The following SLC22A2 variants were observed in gnomAD, a reference collection of about 807,000 sequenced individuals.
SLC22A2 encodes the protein organic cation transporter 2.
SLC22A2 carries 46 observed loss-of-function variants against 60.5 expected under a neutral mutation model. The ratio of observed to expected loss-of-function variants is 0.76; its 90% CI spans 0.60 to 0.97. The LOEUF is 0.97. SLC22A2 is among the 50% of genes least tolerant of loss of function. The pLI, the probability that SLC22A2 is intolerant of heterozygous loss-of-function variation, is 0.00. For synonymous variants in SLC22A2, 303 were observed against 267.0 expected (o/e 1.13, Z -1.31); for missense variants, 701 against 706.6 (o/e 0.99, Z 0.09).
At chr6:160,229,238 C>G (rs904951449) in intron 9 of SLC22A2, among the ~76,000 whole-genome samples, 2 of 151,926 alleles carry the variant, frequency 1.3e-5, no homozygotes, top group Non-Finnish European at 2.9e-5. Flanking sequence ...ACCTCTCTCA[C>G]TATCCCTCAA....
At chr6:160,257,588 C>T (rs1783294858) in intron 1 of SLC22A2, among the ~76,000 whole-genome samples, 1 of 152,114 alleles carries the variant, frequency 6.6e-6, no homozygotes, top group African/African-American at 2.4e-5. Context: ...TTAGACCCTT[C>T]AAATTAGACT....
intron 9 of SLC22A2, among the ~76,000 whole-genome samples, chr6:160,228,960 G>C (rs1463908456): frequency 1.3e-5 from 2 of 150,928 alleles, no homozygotes; most frequent in Non-Finnish European, 2.9e-5. Context: ...CTGTCTTTTT[G>C]GACTCAGACC....
intron 2 of SLC22A2, 74 bp from the exon 3 acceptor site, chr6:160,250,776 T>G: frequency 6.8e-7 from 1 of 1,476,488 alleles, no homozygotes; most frequent in African/African-American, 1.4e-5. Flanking sequence ...TGCATGGAAG[T>G]TATGGAAATC....
chr6:160,251,514 C>T (rs1406706209), intron 2 of SLC22A2, among the ~76,000 whole-genome samples: 1 of 152,092 alleles, frequency 6.6e-6, no homozygotes, highest in Non-Finnish European at 1.5e-5. Flanking sequence ...GCCTCCGACC[C>T]CTTCCTTCCT....
At chr6:160,228,265 C>T (rs535257644) in intron 9 of SLC22A2, among the ~76,000 whole-genome samples, 41 of 152,290 alleles carry the variant, frequency 2.7e-4, no homozygotes, top group African/African-American at 5.5e-4. Context: ...CCTCCGCCAG[C>T]GCAAAGGAAA....
chr6:160,218,358 GAAC>G (rs1279450799), intron 10 of SLC22A2: 1 of 183,386 alleles, frequency 5.5e-6, no homozygotes, highest in African/African-American at 3.5e-5. Context: ...GCAGCAGCAG[GAAC>G]AACAAAAGCA....
At chr6:160,256,362 C>A (rs925688128) in intron 2 of SLC22A2, among the ~76,000 whole-genome samples, 1 of 152,150 alleles carries the variant, frequency 6.6e-6, no homozygotes, top group African/African-American at 2.4e-5. Context: ...TTCTGCATAG[C>A]CCCCATGGAA....
intron 8 of SLC22A2, among the ~76,000 whole-genome samples, 158 bp downstream of exon 8, chr6:160,242,136 A>C (rs1227256419): frequency 6.6e-6 from 1 of 152,150 alleles, no homozygotes; most frequent in Non-Finnish European, 1.5e-5. Flanking sequence ...TGTAAGTGTG[A>C]GAGGTGAACT....
At chr6:160,255,110 G>A (rs746146839) in intron 2 of SLC22A2, among the ~76,000 whole-genome samples, 2 of 152,152 alleles carry the variant, frequency 1.3e-5, no homozygotes, top group African/African-American at 2.4e-5. Context: ...GATTTAATGC[G>A]TCATCTTTAA....
rs61332676 is a variant in SLC22A2 at position 160,241,803 on chromosome 6, T to TA, written c.1389-218dup. On this transcript the variant is annotated intron_variant, in intron 8 of 10. Coordinates refer to ENST00000366953, the MANE Select transcript of SLC22A2 (RefSeq NM_003058.4). ...CCTGTTTCCCAGAAACCTATTGAAA[T>TA]AAAAAAAAAACACCAAAAATAAAAT... 6.1e-3 allele frequency among the ~76,000 whole-genome samples: 917 copies of TA among 149,356 alleles called. 11 individuals are homozygous for TA. Among genetic ancestry groups the TA allele is most frequent in the African/African-American group, 0.021 (854 of 40,224 alleles).
Position 160,258,536 on chromosome 6 carries a change from C to CTA in SLC22A2, c.221_222insTA (p.Val75ArgfsTer83), listed in dbSNP as rs764732321. On this transcript the variant is annotated frameshift_variant, in exon 1 of 11. Coordinates refer to ENST00000366953, the MANE Select transcript of SLC22A2 (RefSeq NM_003058.4). LOFTEE classifies it high-confidence loss of function. ...CGCCCGCAGGTCCTGGGCCCGGCACCGTGTAGTTCAGTTCCTCTGCAGGAC... is the reference window on the plus strand; with the variant it reads ...CGCCCGCAGGTCCTGGGCCCGGCACCTAGTGTAGTTCAGTTCCTCTGCAGGAC... 3.1e-6 allele frequency: 5 copies of CTA among 1,614,022 alleles called. No individual in the cohort carries two copies. In the Admixed American group the frequency reaches 5.0e-5, roughly 16 times the overall value.
chr6:160,239,054 G>A (rs1782956660), intron 9 of SLC22A2, among the ~76,000 whole-genome samples: 1 of 152,108 alleles, frequency 6.6e-6, no homozygotes, highest in Admixed American at 6.6e-5. Context: ...ACAGGAAGTG[G>A]TAAAGAAGCT....
chr6:160,250,717 A>G lies in SLC22A2; in HGVS notation c.519-15T>C, dbSNP rs755458825. On this transcript the variant is annotated splice_polypyrimidine_tract_variant and intron_variant, in intron 2 of 10. Coordinates refer to ENST00000366953, the MANE Select transcript of SLC22A2 (RefSeq NM_003058.4). Reference sequence around the variant, plus strand: ...TACGGCCAAACCTGCAGGAAGAAAAACAAAGAGAGGGAATTGAATTAATTT... The same window carrying G: ...TACGGCCAAACCTGCAGGAAGAAAAGCAAAGAGAGGGAATTGAATTAATTT... 1.6e-5 allele frequency: 26 copies of G among 1,611,154 alleles called. No individual in the cohort carries two copies. Among genetic ancestry groups the G allele is most frequent in the African/African-American group, 2.7e-5 (2 of 74,826 alleles).
At position 160,258,591 on chromosome 6, in the gene SLC22A2, ACTCCGGGG is replaced by A. The variant is rs752149623; in HGVS notation, c.159_166del (p.Pro54GlyfsTer34). ...GCCGCAGCGCAGACTCAGCTCGGCC[ACTCCGGGG>A]CTCCGGCAGCGGTGGTCAGGGGTGA... On this transcript the variant is annotated frameshift_variant, in exon 1 of 11. Coordinates refer to ENST00000366953, the MANE Select transcript of SLC22A2 (RefSeq NM_003058.4). LOFTEE classifies it high-confidence loss of function. 6 of 1,613,674 alleles carry A rather than the reference ACTCCGGGG, an allele frequency of 3.7e-6. No homozygotes were observed. In the East Asian group the frequency reaches 1.3e-4, roughly 36 times the overall value.
chr6:160,227,254 A>G (rs188139951), intron 9 of SLC22A2, among the ~76,000 whole-genome samples: 49 of 152,310 alleles, frequency 3.2e-4, no homozygotes, highest in African/African-American at 1.1e-3. Context: ...GGTACCACCT[A>G]TGAGACTTCA....
rs564194500 is a variant in SLC22A2 at position 160,223,766 on chromosome 6, C to T, written c.1601+939G>A. On this transcript the variant is annotated intron_variant, in intron 10 of 10. Transcript: ENST00000366953. ...TTTTGAGACAAGAGTATTGCTTTGTCGCCCAGGCTGGAGTGCAGTGGCACG... is the reference window on the plus strand; with the variant it reads ...TTTTGAGACAAGAGTATTGCTTTGTTGCCCAGGCTGGAGTGCAGTGGCACG... Among the ~76,000 whole-genome samples, 26 of 152,146 alleles carry T rather than the reference C, an allele frequency of 1.7e-4. No individual in the cohort carries two copies. In the East Asian group the frequency reaches 1.9e-3, roughly 11 times the overall value.
At chr6:160,237,095 T>C (rs558533025) in intron 9 of SLC22A2, among the ~76,000 whole-genome samples, 4 of 152,310 alleles carry the variant, frequency 2.6e-5, no homozygotes, top group South Asian at 4.1e-4. Context: ...TATATTCTAG[T>C]CTCATCAGTT....
intron 4 of SLC22A2, among the ~76,000 whole-genome samples, chr6:160,247,602 T>G (rs1280837935): frequency 6.6e-6 from 1 of 152,134 alleles, no homozygotes; most frequent in Non-Finnish European, 1.5e-5. Context: ...GCCTGAGAAC[T>G]GGCAGAGGGG....
intron 6 of SLC22A2, 169 bp downstream of exon 6, chr6:160,245,270 T>C (rs1783070945): frequency 4.0e-6 from 2 of 501,364 alleles, no homozygotes; most frequent in African/African-American, 3.9e-5. Flanking sequence ...CCGATCTTAA[T>C]ATTTGCCCAA....
Sources: gnomAD v4.1 joint callset for allele counts (sites outside exome capture counted in the v4.1 genomes callset) on GRCh38, gnomAD v4.1.1 for gene constraint, MANE v1.5 for transcripts, NCBI Gene and HGNC (gene_info 2026-07-23, HGNC 2026-07-21) for gene names.